JAZF1: variants seen among roughly 807,000 people sequenced by gnomAD.
JAZF1 encodes the protein JAZF zinc finger 1, also known as juxtaposed with another zinc finger protein 1.
Under a neutral mutation model 26.4 loss-of-function variants are expected in JAZF1, and 8 were observed. That is an observed-to-expected ratio of 0.30 (90% CI 0.18 to 0.55). The LOEUF (loss-of-function observed/expected upper bound fraction) is 0.55, where lower values mean the gene tolerates loss of function less well. Among genes scored for constraint, JAZF1 ranks in the 20% least tolerant of loss-of-function variants. The pLI is 0.94. For synonymous variants in JAZF1, 126 were observed against 122.3 expected, an observed-to-expected ratio of 1.03 and a Z score of -0.20; for missense variants, 199 against 322.0, an observed-to-expected ratio of 0.62 and a Z score of 2.92.
intron 3 of JAZF1, among the ~76,000 whole-genome samples, chr7:27,868,836 AC>A (rs1370104961): frequency 6.6e-6 from 1 of 152,164 alleles, no homozygotes; most frequent in Non-Finnish European, 1.5e-5. Flanking sequence ...CAAGGATACA[AC>A]TAATACATGG....
At chr7:28,089,671 C>T (rs541911975) in intron 1 of JAZF1, among the ~76,000 whole-genome samples, 1 of 152,278 alleles carries the variant, frequency 6.6e-6, no homozygotes, top group East Asian at 1.9e-4. Context: ...TTAAGTAATC[C>T]TGTTCAGAAT....
rs556675778 is a variant in JAZF1 at position 28,074,570 on chromosome 7, A to C, written c.116-82589T>G. Among the ~76,000 whole-genome samples the C allele has an allele frequency of 2.0e-5, 3 of 152,344 alleles. No individual in the cohort carries two copies. The East Asian group carries it at 5.8e-4, about 29-fold the overall frequency. On this transcript the variant is annotated intron_variant, in intron 1 of 4. Coordinates refer to ENST00000283928, the MANE Select transcript of JAZF1 (RefSeq NM_175061.4). ...GATGAAATAAGCTTATTTTTATGAAATCAAAAAAGATTTGTGGCTTAATAA... is the reference window on the plus strand; with the variant it reads ...GATGAAATAAGCTTATTTTTATGAACTCAAAAAAGATTTGTGGCTTAATAA...
At chr7:27,941,164 T>G (rs900077482) in intron 2 of JAZF1, among the ~76,000 whole-genome samples, 3 of 152,198 alleles carry the variant, frequency 2.0e-5, no homozygotes, top group African/African-American at 4.8e-5. Flanking sequence ...GCTCCTAGAA[T>G]AGCTGCACCA....
intron 2 of JAZF1, among the ~76,000 whole-genome samples, chr7:27,955,209 A>T (rs962409978): frequency 2.0e-5 from 3 of 152,268 alleles, no homozygotes; most frequent in Non-Finnish European, 4.4e-5. Flanking sequence ...GTGAAGTAAT[A>T]GAAAAAAGTG....
intron 1 of JAZF1, among the ~76,000 whole-genome samples, chr7:28,016,888 A>C (rs1782903347): frequency 6.6e-6 from 1 of 152,192 alleles, no homozygotes; most frequent in Non-Finnish European, 1.5e-5. Flanking sequence ...GTGAATGACA[A>C]AAAAAGAGGA....
intron 1 of JAZF1, among the ~76,000 whole-genome samples, chr7:28,136,638 C>T (rs1358380878): frequency 6.6e-6 from 1 of 152,228 alleles, no homozygotes; most frequent in East Asian, 1.9e-4. Flanking sequence ...TCACCATTTC[C>T]ACACACACCA....
At chr7:28,170,335 A>ATGTGTGTG (rs1783436475) in intron 1 of JAZF1, among the ~76,000 whole-genome samples, 1 of 140,082 alleles carries the variant, frequency 7.1e-6, no homozygotes, top group African/African-American at 2.7e-5. Context: ...AGAGAAGTTG[A>ATGTGTGTG]TATGTGTGTG....
intron 1 of JAZF1, among the ~76,000 whole-genome samples, chr7:28,069,168 CAGAGCAG>C (rs1220551256): frequency 3.7e-4 from 57 of 152,344 alleles, no homozygotes; most frequent in African/African-American, 1.3e-3. Context: ...CAGCTGGTGG[CAGAGCAG>C]AGAGCAGAGC....
intron 2 of JAZF1, among the ~76,000 whole-genome samples, chr7:27,904,648 T>C (rs1784219365): frequency 7.6e-6 from 1 of 130,898 alleles, no homozygotes; most frequent in African/African-American, 2.8e-5. Flanking sequence ...TGAAGCTTCA[T>C]AGAACTTTTG....
At chr7:28,103,029 G>A (rs954538459) in intron 1 of JAZF1, among the ~76,000 whole-genome samples, 1 of 152,100 alleles carries the variant, frequency 6.6e-6, no homozygotes, top group African/African-American at 2.4e-5. Flanking sequence ...GCTTACGACC[G>A]ATTGATGTAA....
At chr7:27,906,293 G>T (rs988060341) in intron 2 of JAZF1, among the ~76,000 whole-genome samples, 2 of 152,118 alleles carry the variant, frequency 1.3e-5, no homozygotes, top group Admixed American at 1.3e-4. Context: ...GGCAGACACT[G>T]CAGACCAGTG....
At chr7:28,082,634 G>A (rs1281903635) in intron 1 of JAZF1, among the ~76,000 whole-genome samples, 5 of 151,896 alleles carry the variant, frequency 3.3e-5, no homozygotes, top group Admixed American at 1.3e-4. Flanking sequence ...CTCCCTCCTC[G>A]CAGCCTCTTC....
chr7:27,987,284 A>C (rs1362948870), intron 2 of JAZF1, among the ~76,000 whole-genome samples: 2 of 147,818 alleles, frequency 1.4e-5, no homozygotes, highest in Non-Finnish European at 3.0e-5. Flanking sequence ...CTGGGATGTG[A>C]GGAGTGCCTC....
intron 2 of JAZF1, among the ~76,000 whole-genome samples, chr7:27,924,034 C>T (rs944911036): frequency 2.0e-4 from 31 of 152,272 alleles, no homozygotes; most frequent in African/African-American, 7.2e-4. Flanking sequence ...GGGACGGGGA[C>T]TGAAAATGGT....
intron 1 of JAZF1, among the ~76,000 whole-genome samples, chr7:28,074,119 T>A (rs1415507977): frequency 6.6e-6 from 1 of 152,246 alleles, no homozygotes; most frequent in East Asian, 1.9e-4. Context: ...ACCTATGTGT[T>A]CCTACTTTTC....
chr7:27,905,798 T>C (rs1784245409), intron 2 of JAZF1, among the ~76,000 whole-genome samples: 1 of 152,114 alleles, frequency 6.6e-6, no homozygotes, highest in South Asian at 2.1e-4. Flanking sequence ...AATCTTGGAA[T>C]AAATCCTTTC....
chr7:28,070,946 G>C (rs1380564115), intron 1 of JAZF1, among the ~76,000 whole-genome samples: 1 of 152,214 alleles, frequency 6.6e-6, no homozygotes, highest in African/African-American at 2.4e-5. Context: ...ACACAGAGCA[G>C]ACATTCAATA....
At chr7:28,037,092 G>C (rs1783307365) in intron 1 of JAZF1, among the ~76,000 whole-genome samples, 2 of 152,146 alleles carry the variant, frequency 1.3e-5, no homozygotes, top group South Asian at 4.1e-4. Flanking sequence ...ATTTGGGTAC[G>C]TGCAGAACTT....
rs141738212 is a variant in JAZF1 at position 27,990,708 on chromosome 7, A to C, written c.188+1201T>G. 5.0e-3 allele frequency among the ~76,000 whole-genome samples: 758 copies of C among 152,268 alleles called. 9 individuals carry two copies. The highest frequency in any genetic ancestry group is 0.017 in the African/African-American group (715 of 41,558). ...ATTATTAGTTATATTAATTCATATA[A>C]CTTCAATATATAATTAAAAATTTCA... On this transcript the variant is annotated intron_variant, in intron 2 of 4. Coordinates refer to ENST00000283928, the MANE Select transcript of JAZF1 (RefSeq NM_175061.4).
Sources: gnomAD v4.1 joint callset for allele counts (sites outside exome capture counted in the v4.1 genomes callset) on GRCh38, gnomAD v4.1.1 for gene constraint, MANE v1.5 for transcripts, NCBI Gene and HGNC (gene_info 2026-07-23, HGNC 2026-07-21) for gene names.